The following RMDN2 variants were observed in gnomAD, a reference collection of about 807,000 sequenced individuals.
RMDN2 encodes regulator of microtubule dynamics 2, also known as regulator of microtubule dynamics protein 2.
Under a neutral mutation model 52.8 loss-of-function variants are expected in RMDN2, and 61 were observed. The observed-to-expected ratio is 1.16, with a 90% CI of 0.94 to 1.43. The LOEUF (loss-of-function observed/expected upper bound fraction) is 1.43. RMDN2 is among the 40% of genes most tolerant of loss of function. The pLI is 0.00. For missense variants in RMDN2, 592 were observed against 475.3 expected, an observed-to-expected ratio of 1.25 and a Z score of -2.28; for synonymous variants, 180 against 153.1, an observed-to-expected ratio of 1.18 and a Z score of -1.30.
intron 8 of RMDN2, among the ~76,000 whole-genome samples, chr2:37,999,262 C>G (rs1274028461): frequency 6.6e-6 from 1 of 152,062 alleles, no homozygotes; most frequent in Non-Finnish European, 1.5e-5. Context: ...TAACACTGCG[C>G]AAATTGCTTA....
chr2:38,041,895 G>C lies in RMDN2; in HGVS notation c.1714-25087G>C, dbSNP rs549444985. Among the ~76,000 whole-genome samples, 66 of 152,200 alleles carry C rather than the reference G, an allele frequency of 4.3e-4. No homozygotes were observed. The South Asian group carries it at 0.013, about 31-fold the overall frequency. The stretch of plus-strand genomic sequence containing the variant: ...GGATTATTTTATCATTTTCATAAAA[G>C]ATATTGGTTTGTTGTTTTTCTTTCT... On this transcript the variant is annotated intron_variant, in intron 10 of 10. Coordinates refer to the RMDN2 transcript ENST00000234195.
rs1226600676 is a variant in RMDN2 at position 37,952,459 on chromosome 2, G to A, written c.453-21581G>A. 5.4e-5 allele frequency: 26 copies of A among 478,674 alleles called. No homozygotes were observed. In the East Asian group the frequency reaches 7.6e-4, roughly 14 times the overall value. The allele number at this position is 478,674 out of a possible 1,614,324, so 29.7% of individuals were successfully genotyped here. ...TTTTTCAGATTTACTGCTTAAAGAT[G>A]GGCTAATCTCAGATTTCTGAGTGAC... On this transcript the variant is annotated intron_variant, in intron 2 of 10. Coordinates refer to ENST00000354545, the MANE Select transcript of RMDN2 (RefSeq NM_001170791.3).
intron 2 of RMDN2, chr2:37,952,406 G>A (rs1179398420): frequency 2.0e-6 from 1 of 510,526 alleles, no homozygotes; most frequent in African/African-American, 1.9e-5. Flanking sequence ...TTGGAGTATG[G>A]AAGTCAAAGA....
chr2:37,927,368 C>A (rs750440578), intron 1 of RMDN2, among the ~76,000 whole-genome samples: 1 of 152,132 alleles, frequency 6.6e-6, no homozygotes, highest in Non-Finnish European at 1.5e-5. Context: ...TGCCTCAGTT[C>A]ACTTATCTGC....
At chr2:38,034,545 G>A (rs1056172156) in intron 10 of RMDN2, among the ~76,000 whole-genome samples, 1 of 151,844 alleles carries the variant, frequency 6.6e-6, no homozygotes, top group Non-Finnish European at 1.5e-5. Context: ...TAAAGCATTC[G>A]AGATCCTGAA....
intron 10 of RMDN2, among the ~76,000 whole-genome samples, chr2:38,037,286 C>T (rs1680648075): frequency 6.6e-6 from 1 of 152,330 alleles, no homozygotes; most frequent in Admixed American, 6.5e-5. Flanking sequence ...GCTTTCCTCC[C>T]TGAGGGACAG....
intron 2 of RMDN2, among the ~76,000 whole-genome samples, chr2:37,931,874 G>C (rs964541444): frequency 2.6e-5 from 4 of 152,118 alleles, no homozygotes; most frequent in Admixed American, 2.0e-4. Context: ...GCCTTTGTTA[G>C]CAATAAAATA....
chr2:37,980,232 C>T (rs531822684), intron 4 of RMDN2, among the ~76,000 whole-genome samples: 86 of 152,250 alleles, frequency 5.6e-4, no homozygotes, highest in East Asian at 1.9e-4. Flanking sequence ...TCTCAGAACA[C>T]AGTTCTGTTT....
intron 10 of RMDN2, among the ~76,000 whole-genome samples, chr2:38,024,627 C>T (rs922784043): frequency 6.6e-6 from 1 of 151,978 alleles, no homozygotes; most frequent in Non-Finnish European, 1.5e-5. Flanking sequence ...TAAATTGAGA[C>T]GTTTTGGTTT....
chr2:37,966,667 G>T (rs1212543019), intron 2 of RMDN2, among the ~76,000 whole-genome samples: 1 of 151,792 alleles, frequency 6.6e-6, no homozygotes, highest in African/African-American at 2.4e-5. Context: ...AAGTTTGCCT[G>T]GTTGTTTGTT....
intron 10 of RMDN2, among the ~76,000 whole-genome samples, chr2:38,010,520 A>G (rs1677820563): frequency 2.0e-5 from 3 of 152,138 alleles, no homozygotes; most frequent in Admixed American, 2.0e-4. Context: ...CAGGAGAGGG[A>G]TATAATCTCC....
At position 37,987,286 on chromosome 2, in the gene RMDN2, G is replaced by A. The variant is rs180990896; in HGVS notation, c.792-2255G>A. On this transcript the variant is annotated intron_variant, in intron 5 of 10. Coordinates refer to ENST00000354545, the MANE Select transcript of RMDN2 (RefSeq NM_001170791.3). ...TATGTACAAGATCTCTATGAGAAAC[G>A]CTTAACAAATATTCAACAGGCGAAT... Among the ~76,000 whole-genome samples, 22 of 152,130 alleles carry A rather than the reference G, an allele frequency of 1.4e-4. 1 individual carries two copies. Among genetic ancestry groups the A allele is most frequent in the African/African-American group, 5.1e-4 (21 of 41,514 alleles).
At position 38,043,312 on chromosome 2, in the gene RMDN2, C is replaced by A. The variant is rs772483728; in HGVS notation, c.1714-23670C>A. Among the ~76,000 whole-genome samples, 51 of 152,180 alleles carry A rather than the reference C, an allele frequency of 3.4e-4. 1 individual carries two copies. Among genetic ancestry groups the A allele is most frequent in the Non-Finnish European group, 5.7e-4 (39 of 68,002 alleles). ...GCTTTGTCTGAAATTAATATAGCTA[C>A]TGCAGCTTTTTTAAATTAGTGTTAG... is the stretch of plus-strand genomic sequence containing the variant. On this transcript the variant is annotated intron_variant, in intron 10 of 10. Coordinates refer to the RMDN2 transcript ENST00000234195.
chr2:37,932,868 A>G (rs1307076992), intron 2 of RMDN2, among the ~76,000 whole-genome samples: 2 of 111,590 alleles, frequency 1.8e-5, no homozygotes, highest in South Asian at 6.2e-4. Flanking sequence ...CGGGAGGCTG[A>G]CCCCCCCACC....
At chr2:38,007,931 A>T (rs1243452743) in intron 10 of RMDN2, among the ~76,000 whole-genome samples, 2 of 152,106 alleles carry the variant, frequency 1.3e-5, no homozygotes, top group East Asian at 3.8e-4. Flanking sequence ...GTTTCAAAGA[A>T]CATCTTTATT....
rs529671768 is a variant in RMDN2 at position 38,005,784 on chromosome 2, A to G, written c.1179+1568A>G. ...ACACATGAAGTCCTTGCCCATGCCT[A>G]TGTCCTGAATGGTAGTGCCTAAGTT... On this transcript the variant is annotated intron_variant, in intron 10 of 10. Transcript: ENST00000354545. Among the ~76,000 whole-genome samples, 83 of 152,310 alleles carry G rather than the reference A, an allele frequency of 5.4e-4. 1 individual carries two copies. Among genetic ancestry groups the G allele is most frequent in the African/African-American group, 1.4e-3 (57 of 41,564 alleles).
chr2:38,009,811 C>A (rs1370125111), intron 10 of RMDN2, among the ~76,000 whole-genome samples: 2 of 152,126 alleles, frequency 1.3e-5, no homozygotes, highest in African/African-American at 4.8e-5. Flanking sequence ...TCCAGTTTTT[C>A]TGCTCTGTTT....
intron 10 of RMDN2, among the ~76,000 whole-genome samples, chr2:38,051,782 C>A (rs562073149): frequency 3.3e-5 from 5 of 152,154 alleles, no homozygotes; most frequent in Non-Finnish European, 4.4e-5. Context: ...AGATATTTGT[C>A]TTTCTGTGCC....
In RMDN2 at chr2:37,976,221, T is replaced by A. The variant is rs371486150; in HGVS notation, c.730+907T>A. ...CTTTTCTACAAGTTTTTGAAATTTTTCATCACAACAAGAACAACTAAATAG... is the reference window on the plus strand; with the variant it reads ...CTTTTCTACAAGTTTTTGAAATTTTACATCACAACAAGAACAACTAAATAG... On this transcript the variant is annotated intron_variant, in intron 4 of 10. Transcript: ENST00000354545. The A allele has an allele frequency of 9.2e-5, 14 of 152,354 alleles. No homozygotes were observed. In the South Asian group the frequency reaches 2.9e-3, roughly 32 times the overall value. The allele number at this position is 152,354 out of a possible 1,614,324, so 9.4% of individuals were successfully genotyped here. A position where few individuals can be genotyped will look rare whatever the true frequency, so the allele number is the denominator to read the frequency against.
Sources: gnomAD v4.1 joint callset for allele counts (sites outside exome capture counted in the v4.1 genomes callset) on GRCh38, gnomAD v4.1.1 for gene constraint, MANE v1.5 for transcripts, NCBI Gene and HGNC (gene_info 2026-07-23, HGNC 2026-07-21) for gene names.